The following EYS variants were observed in gnomAD, a reference collection of about 807,000 sequenced individuals.
EYS encodes the protein protein eyes shut homolog.
Under a neutral mutation model 282.1 loss-of-function variants are expected in EYS, and 250 were observed. The ratio of observed to expected loss-of-function variants is 0.89; its 90% CI spans 0.80 to 0.98. The LOEUF (loss-of-function observed/expected upper bound fraction) is 0.98. Ranked by LOEUF, EYS falls within the 50% of genes least tolerant of loss-of-function variation. EYS has a pLI of 0.00. For missense variants in EYS, 4,016 were observed against 3,709.0 expected (o/e 1.08, Z -2.15); for synonymous variants, 1,355 against 1,282.9 (o/e 1.06, Z -1.20).
intron 33 of EYS, among the ~76,000 whole-genome samples, chr6:64,013,817 G>GT (rs1768759312): frequency 6.6e-6 from 1 of 151,672 alleles, no homozygotes; most frequent in Non-Finnish European, 1.5e-5. Context: ...TGAGATTTCA[G>GT]TAAAAAAAAA....
At chr6:64,092,266 C>T (rs1772393988) in intron 31 of EYS, among the ~76,000 whole-genome samples, 1 of 152,174 alleles carries the variant, frequency 6.6e-6, no homozygotes, top group Non-Finnish European at 1.5e-5. Context: ...GGTATATACC[C>T]AGTAATGGGA....
At chr6:64,453,662 G>C (rs1451914149) in intron 26 of EYS, among the ~76,000 whole-genome samples, 2 of 152,060 alleles carry the variant, frequency 1.3e-5, no homozygotes, top group African/African-American at 4.8e-5. Context: ...TTACACCATG[G>C]GATACTATGC....
Position 64,069,738 on chromosome 6 carries a change from A to T in EYS, c.6572-3247T>A, listed in dbSNP as rs1017104746. Among the ~76,000 whole-genome samples, 24 of 152,226 alleles carry T rather than the reference A, an allele frequency of 1.6e-4. No homozygotes were observed. The East Asian group carries it at 4.6e-3, about 29-fold the overall frequency. On this transcript the variant is annotated intron_variant, in intron 32 of 42. Transcript: ENST00000503581. ...AGTGGTTCTCAAACTCTTTGATCTA[A>T]GGACCCCTTAAGACACTTAAAATCC...
intron 2 of EYS, among the ~76,000 whole-genome samples, chr6:65,544,039 A>T (rs1316784135): frequency 9.1e-6 from 1 of 109,382 alleles, no homozygotes; most frequent in Non-Finnish European, 2.1e-5. Context: ...TGAGAGAGAG[A>T]GAGACAAAGA....
chr6:65,677,723 A>T (rs1385106426), intron 1 of EYS, among the ~76,000 whole-genome samples: 2 of 151,998 alleles, frequency 1.3e-5, no homozygotes, highest in Non-Finnish European at 2.9e-5. Flanking sequence ...TTCATAAAGA[A>T]CCACAAAGGA....
intron 31 of EYS, among the ~76,000 whole-genome samples, chr6:64,145,405 T>G (rs1183769374): frequency 1.3e-5 from 2 of 152,212 alleles, no homozygotes; most frequent in Admixed American, 6.6e-5. Flanking sequence ...GGATCTACAA[T>G]GACACTTAGA....
intron 1 of EYS, among the ~76,000 whole-genome samples, chr6:65,673,558 C>T (rs1185243228): frequency 6.6e-6 from 1 of 152,014 alleles, no homozygotes; most frequent in Non-Finnish European, 1.5e-5. Flanking sequence ...GGGCTCTATC[C>T]TTGTCAGAGT....
chr6:65,050,971 C>A (rs16896172), intron 13 of EYS, among the ~76,000 whole-genome samples: 3,540 of 151,512 alleles, frequency 0.023, 96 homozygotes, highest in East Asian at 0.15. Flanking sequence ...GGCTAATTAC[C>A]ATTTCAGCTT....
Position 64,066,445 on chromosome 6 carries a change from C to T in EYS, c.6618G>A (p.Val2206=). The T allele has an allele frequency of 6.5e-7, 1 of 1,548,574 alleles. No homozygotes were observed. Among genetic ancestry groups the T allele is most frequent in the African/African-American group, 1.4e-5 (1 of 73,042 alleles). ...CATATTTAACTGATGGCCTTCCTTC[C>T]ACAAGAAATAAATGAAGAAACTGCT... ...CGKQFLHLFL[V]EGRPSVKYGC... The change falls in exon 33 of 43, where the codon GTG becomes GTA. Residue 2206 remains valine (V), a synonymous_variant. Coordinates refer to ENST00000503581, the MANE Select transcript of EYS (RefSeq NM_001142800.2).
chr6:65,455,324 C>T (rs1456125485), intron 5 of EYS, among the ~76,000 whole-genome samples: 2 of 152,064 alleles, frequency 1.3e-5, no homozygotes, highest in African/African-American at 2.4e-5. Context: ...TATACACATA[C>T]TACTAATTTT....
At chr6:65,412,307 G>C (rs997991129) in intron 5 of EYS, among the ~76,000 whole-genome samples, 3 of 152,078 alleles carry the variant, frequency 2.0e-5, no homozygotes, top group African/African-American at 7.2e-5. Flanking sequence ...AAGCTACCAC[G>C]AATATTAATA....
chr6:64,311,351 T>G (rs1013470928), intron 29 of EYS, among the ~76,000 whole-genome samples: 1 of 152,188 alleles, frequency 6.6e-6, no homozygotes, highest in South Asian at 2.1e-4. Flanking sequence ...AATAATTATC[T>G]GCATTAGATT....
rs1197662117 is a variant in EYS, at chr6:64,303,924, A to G, written c.6191+3046T>C. 2.0e-5 allele frequency among the ~76,000 whole-genome samples: 3 copies of G among 151,632 alleles called. No homozygotes were observed. The East Asian group carries it at 5.8e-4, about 29-fold the overall frequency. Reference sequence around the variant, plus strand: ...CTCTTACCTTGAGTTAATAGCTTAAAGTACATACAAAGGAATGTAAGGGAG... The same window carrying G: ...CTCTTACCTTGAGTTAATAGCTTAAGGTACATACAAAGGAATGTAAGGGAG... On this transcript the variant is annotated intron_variant, in intron 30 of 42. Coordinates refer to ENST00000503581, the MANE Select transcript of EYS (RefSeq NM_001142800.2).
chr6:65,281,901 A>G (rs10455572), intron 12 of EYS, among the ~76,000 whole-genome samples: 7,016 of 152,194 alleles, frequency 0.046, 220 homozygotes, highest in South Asian at 0.089. Flanking sequence ...ATTTAAACAT[A>G]TTTAAACAGT....
At chr6:65,453,335 A>T (rs1764475755) in intron 5 of EYS, among the ~76,000 whole-genome samples, 1 of 152,012 alleles carries the variant, frequency 6.6e-6, no homozygotes, top group Admixed American at 6.6e-5. Context: ...CAGCTTATGT[A>T]TTTAAAAATT....
chr6:63,865,810 C>T (rs1008653333), intron 35 of EYS, among the ~76,000 whole-genome samples: 3 of 151,988 alleles, frequency 2.0e-5, no homozygotes, highest in South Asian at 2.1e-4. Context: ...GTTTCCTTTT[C>T]TAAAAATATT....
In EYS at chr6:64,073,645, T is replaced by C. The variant is rs561825414; in HGVS notation, c.6572-7154A>G. Among the ~76,000 whole-genome samples the C allele has an allele frequency of 2.0e-5, 3 of 151,974 alleles. No individual in the cohort carries two copies. In the South Asian group the frequency reaches 6.2e-4, roughly 31 times the overall value. On this transcript the variant is annotated intron_variant, in intron 32 of 42. Transcript: ENST00000503581. ...ATTCTAAGTAATGACTATTCTTAGA[T>C]AAATGTATGTATTTTTACATTAAAC...
intron 12 of EYS, among the ~76,000 whole-genome samples, chr6:65,179,807 A>T (rs1050873521): frequency 6.6e-6 from 1 of 152,220 alleles, no homozygotes. Context: ...AAAATCCTCA[A>T]TAAAATACTG....
chr6:65,246,404 T>C (rs1161052781), intron 12 of EYS, among the ~76,000 whole-genome samples: 1 of 152,150 alleles, frequency 6.6e-6, no homozygotes, highest in Non-Finnish European at 1.5e-5. Context: ...AGGCTGTTAA[T>C]TTGTAACATT....
Sources: gnomAD v4.1 joint callset for allele counts (sites outside exome capture counted in the v4.1 genomes callset) on GRCh38, gnomAD v4.1.1 for gene constraint, MANE v1.5 for transcripts, NCBI Gene and HGNC (gene_info 2026-07-23, HGNC 2026-07-21) for gene names.